The following PPARG variants were observed in gnomAD, a reference collection of about 807,000 sequenced individuals.
PPARG encodes peroxisome proliferator-activated receptor gamma.
Under a neutral mutation model 39.2 loss-of-function variants are expected in PPARG, and 17 were observed. The observed-to-expected ratio is 0.43, with a 90% CI of 0.30 to 0.65. The LOEUF (loss-of-function observed/expected upper bound fraction) is 0.65. Among genes scored for constraint, PPARG ranks in the 30% least tolerant of loss-of-function variants. The pLI is 0.13. For missense variants in PPARG, 406 were observed against 585.9 expected, an observed-to-expected ratio of 0.69 and a Z score of 3.17; for synonymous variants, 223 against 215.7, an observed-to-expected ratio of 1.03 and a Z score of -0.30.
intron 2 of PPARG, among the ~76,000 whole-genome samples, chr3:12,363,882 T>C (rs2048931221): frequency 1.3e-5 from 2 of 152,164 alleles, no homozygotes; most frequent in Non-Finnish European, 2.9e-5. Context: ...TCTTTTTTAT[T>C]TTTTAATTAA....
chr3:12,359,674 C>CTTTT (rs71628752), intron 2 of PPARG, among the ~76,000 whole-genome samples: 7 of 129,850 alleles, frequency 5.4e-5, no homozygotes, highest in South Asian at 2.5e-4. Flanking sequence ...TCTTTTATTT[C>CTTTT]TTTTTTTTTT....
At chr3:12,293,416 C>A (rs917131685) in intron 1 of PPARG, among the ~76,000 whole-genome samples, 33 of 152,204 alleles carry the variant, frequency 2.2e-4, no homozygotes, top group African/African-American at 7.7e-4. Flanking sequence ...CATATTGAGT[C>A]AGATTATCTG....
chr3:12,402,736 G>A (rs2050519933), intron 5 of PPARG, among the ~76,000 whole-genome samples: 1 of 152,076 alleles, frequency 6.6e-6, no homozygotes, highest in South Asian at 2.1e-4. Context: ...GTTACCGAGT[G>A]ACTCTGATAG....
chr3:12,328,712 T>C (rs973617692), intron 2 of PPARG, among the ~76,000 whole-genome samples: 18 of 152,334 alleles, frequency 1.2e-4, no homozygotes, highest in African/African-American at 4.3e-4. Flanking sequence ...CCTTCCTTTC[T>C]TGGGGGATGG....
chr3:12,401,817 G>A (rs2050485164), intron 5 of PPARG, among the ~76,000 whole-genome samples: 1 of 152,076 alleles, frequency 6.6e-6, no homozygotes, highest in African/African-American at 2.4e-5. Flanking sequence ...TGTAGCATGG[G>A]CATTTAACAA....
chr3:12,325,345 C>G (rs760600684), intron 2 of PPARG, among the ~76,000 whole-genome samples: 1 of 152,182 alleles, frequency 6.6e-6, no homozygotes, highest in Non-Finnish European at 1.5e-5. Flanking sequence ...CACTTCAACC[C>G]AAGAGGCGGA....
chr3:12,354,058 G>C (rs2048577495), intron 2 of PPARG, among the ~76,000 whole-genome samples: 2 of 152,174 alleles, frequency 1.3e-5, no homozygotes, highest in South Asian at 4.1e-4. Flanking sequence ...TTCAAAACGA[G>C]TCTCTCCTGA....
chr3:12,289,399 GT>G (rs2046593942), intron 1 of PPARG, among the ~76,000 whole-genome samples: 1 of 152,144 alleles, frequency 6.6e-6, no homozygotes, highest in African/African-American at 2.4e-5. Flanking sequence ...AAAATGTAAA[GT>G]TTATTTGTGT....
At position 12,424,616 on chromosome 3, in the gene PPARG, T is replaced by A. The variant is rs183278594; in HGVS notation, c.1180+7462T>A. Among the ~76,000 whole-genome samples, 196 of 152,146 alleles carry A rather than the reference T, an allele frequency of 1.3e-3. 2 individuals carry two copies. Among genetic ancestry groups the A allele is most frequent in the Admixed American group, 0.012 (186 of 15,280 alleles). Reference sequence around the variant, plus strand: ...GACGTTCAGACAGATCATCTGCAAGTGAGGAAGAATGAAAACCCAGCACTG... The same window carrying A: ...GACGTTCAGACAGATCATCTGCAAGAGAGGAAGAATGAAAACCCAGCACTG... On this transcript the variant is annotated intron_variant, in intron 7 of 7. Transcript: ENST00000651735.
rs1304762957 is a variant in PPARG at position 12,379,932 on chromosome 3, G to A, written c.220+1G>A. 1 of 1,589,904 alleles carries A rather than the reference G, an allele frequency of 6.3e-7. No individual in the cohort carries two copies. The highest frequency in any genetic ancestry group is 1.7e-5 in the Admixed American group (1 of 59,942). ...GACCTGAAACTTCAAGAGTACCAAA[G>A]TATGATGTTTATTTTCACTTTTCAG... On this transcript the variant is annotated splice_donor_variant, in intron 3 of 7. Transcript: ENST00000651735. LOFTEE classifies it high-confidence loss of function.
At chr3:12,365,278 C>T (rs992704937) in intron 2 of PPARG, among the ~76,000 whole-genome samples, 1 of 152,196 alleles carries the variant, frequency 6.6e-6, no homozygotes, top group Non-Finnish European at 1.5e-5. Flanking sequence ...GGTTGGGAAC[C>T]CCTGCTTTAT....
rs536414965 is a variant in PPARG, at chr3:12,343,650, C to T, written c.-9+31197C>T. On this transcript the variant is annotated intron_variant, in intron 2 of 7. Coordinates refer to ENST00000651735, the MANE Select transcript of PPARG (RefSeq NM_138711.6). ...AACCACCTACTCGTATATTAGAGTG[C>T]ATTGTGCTTGTCTTATCCTCTTTAC... 3.9e-5 allele frequency among the ~76,000 whole-genome samples: 6 copies of T among 152,220 alleles called. No individual in the cohort carries two copies. The East Asian group carries it at 1.2e-3, about 29-fold the overall frequency.
intron 2 of PPARG, among the ~76,000 whole-genome samples, chr3:12,342,771 T>C (rs1033978855): frequency 6.6e-6 from 1 of 152,044 alleles, no homozygotes; most frequent in South Asian, 2.1e-4. Context: ...TGAACGCGGA[T>C]TGGTTCTATA....
At chr3:12,314,821 TTTA>T (rs764968670) in intron 2 of PPARG, among the ~76,000 whole-genome samples, 11 of 152,142 alleles carry the variant, frequency 7.2e-5, no homozygotes, top group Non-Finnish European at 1.5e-4. Flanking sequence ...TTTTTTTGCT[TTTA>T]TTATTATTTT....
At chr3:12,393,162 A>G (rs1034528882) in intron 5 of PPARG, among the ~76,000 whole-genome samples, 2 of 151,070 alleles carry the variant, frequency 1.3e-5, no homozygotes, top group African/African-American at 2.4e-5. Flanking sequence ...GAAACTTTAA[A>G]TGGCATATGA....
intron 2 of PPARG, among the ~76,000 whole-genome samples, chr3:12,320,129 A>G (rs1205442370): frequency 1.3e-5 from 2 of 152,210 alleles, no homozygotes; most frequent in South Asian, 2.1e-4. Flanking sequence ...ATTTTGCAGT[A>G]AGGATTGATT....
chr3:12,402,714 A>G (rs1300081923), intron 5 of PPARG, among the ~76,000 whole-genome samples: 1 of 152,122 alleles, frequency 6.6e-6, no homozygotes, highest in Non-Finnish European at 1.5e-5. Context: ...TGGAAGACAT[A>G]TAATGTCAGA....
chr3:12,313,767 C>T (rs192047572), intron 2 of PPARG, among the ~76,000 whole-genome samples: 22 of 152,134 alleles, frequency 1.4e-4, no homozygotes, highest in East Asian at 9.6e-4. Flanking sequence ...AAAATAACTA[C>T]GTATAATATT....
intron 1 of PPARG, among the ~76,000 whole-genome samples, chr3:12,296,067 C>T (rs1423962507): frequency 3.3e-5 from 5 of 151,212 alleles, no homozygotes; most frequent in Middle Eastern, 3.2e-3. Context: ...GCCTGGCCAA[C>T]GTGGCAGAAC....
Sources: gnomAD v4.1 joint callset for allele counts (sites outside exome capture counted in the v4.1 genomes callset) on GRCh38, gnomAD v4.1.1 for gene constraint, MANE v1.5 for transcripts, NCBI Gene and HGNC (gene_info 2026-07-23, HGNC 2026-07-21) for gene names.